The following MEI4 variants were observed in gnomAD, a reference collection of about 807,000 sequenced individuals.
MEI4 encodes meiosis-specific protein MEI4.
MEI4 carries 27 observed loss-of-function variants against 31.4 expected under a neutral mutation model. The observed-to-expected ratio is 0.86, with a 90% confidence interval of 0.63 to 1.19. The LOEUF is 1.19. Among genes scored for constraint, MEI4 ranks in the 50% most tolerant of loss-of-function variants. The pLI is 0.00. For synonymous variants in MEI4, 122 were observed against 145.4 expected (o/e 0.84, Z 1.16); for missense variants, 329 against 398.9 (o/e 0.82, Z 1.49).
intron 1 of MEI4, among the ~76,000 whole-genome samples, chr6:77,667,256 T>C (rs893996670): frequency 6.6e-5 from 10 of 152,184 alleles, no homozygotes; most frequent in Non-Finnish European, 1.3e-4. Context: ...TTCAGAGGTG[T>C]CCAATAGACA....
At chr6:77,845,789 C>G (rs1215963182) in intron 4 of MEI4, among the ~76,000 whole-genome samples, 1 of 151,090 alleles carries the variant, frequency 6.6e-6, no homozygotes, top group Admixed American at 6.6e-5. Context: ...ATCTAAGTGG[C>G]CTTGAGAATA....
In MEI4 at chr6:77,864,842, C is replaced by T. The variant is rs192007688; in HGVS notation, c.900+35780C>T. Among the ~76,000 whole-genome samples, 787 of 152,228 alleles carry T rather than the reference C, an allele frequency of 5.2e-3. 7 individuals are homozygous for T. The highest frequency in any genetic ancestry group is 0.018 in the African/African-American group (768 of 41,530). On this transcript the variant is annotated intron_variant, in intron 4 of 4. Transcript: ENST00000684080. Reference sequence around the variant, plus strand: ...CCACATAGGTGGAAGTAAAGCACTCCTCAGCAAATGTAAAAGAATAGAAAT... The same window carrying T: ...CCACATAGGTGGAAGTAAAGCACTCTTCAGCAAATGTAAAAGAATAGAAAT...
intron 3 of MEI4, among the ~76,000 whole-genome samples, chr6:77,821,704 A>G (rs1163245494): frequency 1.3e-5 from 2 of 150,292 alleles, no homozygotes; most frequent in Non-Finnish European, 1.5e-5. Context: ...CCGAGGCAGG[A>G]GAATCGCTTG....
intron 4 of MEI4, among the ~76,000 whole-genome samples, chr6:77,910,185 A>G (rs1052365011): frequency 6.6e-6 from 1 of 152,124 alleles, no homozygotes; most frequent in African/African-American, 2.4e-5. Context: ...CCTATTCAAC[A>G]TAGTGTTGGA....
chr6:77,736,736 A>T (rs1285432840), intron 2 of MEI4, among the ~76,000 whole-genome samples: 2 of 152,146 alleles, frequency 1.3e-5, no homozygotes, highest in South Asian at 4.1e-4. Flanking sequence ...TGCCCATAGC[A>T]TCACACAGTC....
rs762240868 is a variant in MEI4, at chr6:77,877,018, T to G, written c.901-46071T>G. ...TATTAATCTCTTGCAGAATAGATACTTGCCTCTTGTGAGGCAGCTACCAAT... is the reference window on the plus strand; with the variant it reads ...TATTAATCTCTTGCAGAATAGATACGTGCCTCTTGTGAGGCAGCTACCAAT... On this transcript the variant is annotated intron_variant, in intron 4 of 4. Transcript: ENST00000684080. Among the ~76,000 whole-genome samples, 77 of 152,180 alleles carry G rather than the reference T, an allele frequency of 5.1e-4. 1 individual carries two copies. Among genetic ancestry groups the G allele is most frequent in the Non-Finnish European group, 9.3e-4 (63 of 68,032 alleles).
chr6:77,804,288 C>G (rs184688020), intron 3 of MEI4, among the ~76,000 whole-genome samples: 84 of 152,308 alleles, frequency 5.5e-4, no homozygotes, highest in African/African-American at 1.9e-3. Context: ...GTGCCATTTG[C>G]TAAGACCGTT....
At chr6:77,733,402 G>T (rs1407539409) in intron 2 of MEI4, among the ~76,000 whole-genome samples, 1 of 151,882 alleles carries the variant, frequency 6.6e-6, no homozygotes, top group African/African-American at 2.4e-5. Flanking sequence ...TAGATTTTCT[G>T]GTTTATTTGC....
chr6:77,867,791 A>G (rs1368902590), intron 4 of MEI4, among the ~76,000 whole-genome samples: 1 of 152,164 alleles, frequency 6.6e-6, no homozygotes, highest in African/African-American at 2.4e-5. Flanking sequence ...GGCACTATTC[A>G]CAATAGCAAA....
chr6:77,782,759 T>C (rs113273716), intron 3 of MEI4, among the ~76,000 whole-genome samples: 124 of 152,338 alleles, frequency 8.1e-4, no homozygotes, highest in African/African-American at 2.9e-3. Context: ...CCATTGCTGA[T>C]ACCTGTTTTG....
chr6:77,767,349 C>T (rs931469711), intron 3 of MEI4, among the ~76,000 whole-genome samples: 1 of 151,584 alleles, frequency 6.6e-6, no homozygotes, highest in Middle Eastern at 3.2e-3. Flanking sequence ...CACTGCACTC[C>T]AGCCTGGTGA....
intron 2 of MEI4, among the ~76,000 whole-genome samples, chr6:77,734,879 C>G (rs1211021258): frequency 6.6e-6 from 1 of 151,756 alleles, no homozygotes; most frequent in African/African-American, 2.4e-5. Context: ...GATTTTATTT[C>G]TCCTTCACTT....
chr6:77,711,572 G>A (rs908641256), intron 2 of MEI4, among the ~76,000 whole-genome samples: 1 of 152,120 alleles, frequency 6.6e-6, no homozygotes, highest in East Asian at 1.9e-4. Context: ...AGGGTGTAGT[G>A]GTTCTGTGGG....
At chr6:77,904,190 T>C (rs1013828825) in intron 4 of MEI4, among the ~76,000 whole-genome samples, 14 of 152,180 alleles carry the variant, frequency 9.2e-5, no homozygotes, top group African/African-American at 3.4e-4. Flanking sequence ...TTTTACTTTT[T>C]ATCTTTTGTG....
intron 1 of MEI4, among the ~76,000 whole-genome samples, chr6:77,690,395 G>GT (rs1402847439): frequency 9.9e-5 from 15 of 151,888 alleles, no homozygotes; most frequent in Non-Finnish European, 2.1e-4. Flanking sequence ...ATTAATATGT[G>GT]TTTTTTCCAT....
intron 2 of MEI4, 107 bp from the exon 3 acceptor site, chr6:77,761,023 G>T: frequency 1.4e-6 from 1 of 737,918 alleles, no homozygotes. Context: ...TGCTTAATGT[G>T]TATTTATATA....
chr6:77,731,167 G>A (rs1766977871), intron 2 of MEI4, among the ~76,000 whole-genome samples: 2 of 151,418 alleles, frequency 1.3e-5, no homozygotes, highest in African/African-American at 2.4e-5. Flanking sequence ...TGGGTCAAAT[G>A]GTATTTCTAG....
intron 3 of MEI4, among the ~76,000 whole-genome samples, chr6:77,798,002 T>G (rs1012875737): frequency 1.3e-5 from 2 of 152,176 alleles, no homozygotes; most frequent in Non-Finnish European, 2.9e-5. Flanking sequence ...ATGACTACAT[T>G]GTTGGGTTTA....
At chr6:77,898,096 A>C (rs1455540619) in intron 4 of MEI4, among the ~76,000 whole-genome samples, 1 of 151,968 alleles carries the variant, frequency 6.6e-6, no homozygotes, top group South Asian at 2.1e-4. Context: ...GCATTGTTGC[A>C]AGCATGGTCA....
Sources: gnomAD v4.1 joint callset for allele counts (sites outside exome capture counted in the v4.1 genomes callset) on GRCh38, gnomAD v4.1.1 for gene constraint, MANE v1.5 for transcripts, NCBI Gene and HGNC (gene_info 2026-07-23, HGNC 2026-07-21) for gene names.